Variants in DHRSX observed in about 807,000 individuals in gnomAD.
The protein encoded by DHRSX is dehydrogenase/reductase X-linked, also known as polyprenol dehydrogenase.
In DHRSX, 31 loss-of-function variants were observed where a neutral mutation model predicts 34.0. The ratio of observed to expected loss-of-function variants is 0.91; its 90% CI spans 0.69 to 1.23. DHRSX has a LOEUF of 1.23. Among genes scored for constraint, DHRSX ranks in the 50% most tolerant of loss-of-function variants. The pLI, the probability that DHRSX is intolerant of heterozygous loss-of-function variation, is 0.00. For synonymous variants in DHRSX, 201 were observed against 183.8 expected (o/e 1.09, Z -0.76); for missense variants, 414 against 428.1 (o/e 0.97, Z 0.29).
At chrX:2,385,683 T>C (rs1317239529) in intron 3 of DHRSX, among the ~76,000 whole-genome samples, 1 of 152,242 alleles carries the variant, frequency 6.6e-6, no homozygotes, top group Non-Finnish European at 1.5e-5. Flanking sequence ...AAGCATCCTT[T>C]GGTCTACAGG....
chrX:2,286,248 T>C (rs2041804029), intron 4 of DHRSX, among the ~76,000 whole-genome samples: 1 of 152,144 alleles, frequency 6.6e-6, no homozygotes, highest in Non-Finnish European at 1.5e-5. Context: ...GCTGAATCCA[T>C]TCTCAGTGCT....
intron 5 of DHRSX, among the ~76,000 whole-genome samples, chrX:2,255,094 A>T (rs2041259037): frequency 6.6e-6 from 1 of 151,448 alleles, no homozygotes; most frequent in Non-Finnish European, 1.5e-5. Context: ...CCTCCTGAGT[A>T]GCTGGGACTA....
At chrX:2,471,297 G>A (rs1477104968) in intron 1 of DHRSX, among the ~76,000 whole-genome samples, 4 of 152,154 alleles carry the variant, frequency 2.6e-5, no homozygotes, top group Admixed American at 6.6e-5. Context: ...TGGGCTGGGC[G>A]CGGTCACGCC....
chrX:2,486,121 C>T (rs1448989141), intron 1 of DHRSX, among the ~76,000 whole-genome samples: 2 of 152,012 alleles, frequency 1.3e-5, no homozygotes, highest in African/African-American at 4.8e-5. Context: ...TCCGTTTATA[C>T]AACTATCCAC....
intron 3 of DHRSX, among the ~76,000 whole-genome samples, chrX:2,356,396 G>A (rs2042852597): frequency 6.6e-6 from 1 of 152,106 alleles, no homozygotes; most frequent in African/African-American, 2.4e-5. Flanking sequence ...AAAAATGAAT[G>A]TGGAGAATCA....
chrX:2,472,189 C>G (rs113046529), intron 1 of DHRSX, among the ~76,000 whole-genome samples: 1 of 150,072 alleles, frequency 6.7e-6, no homozygotes, highest in African/African-American at 2.5e-5. Flanking sequence ...GGAACATGCA[C>G]GGAGGTGGAG....
intron 5 of DHRSX, among the ~76,000 whole-genome samples, chrX:2,243,798 T>TGCTTTG (rs1460406117): frequency 1.1e-5 from 1 of 93,822 alleles, no homozygotes; most frequent in Non-Finnish European, 2.0e-5. Flanking sequence ...GTTTTTTTTT[T>TGCTTTG]TTTTTTTTTT....
At chrX:2,313,698 ACT>A (rs1463163347) in intron 3 of DHRSX, among the ~76,000 whole-genome samples, 17 of 152,020 alleles carry the variant, frequency 1.1e-4, no homozygotes, top group African/African-American at 3.9e-4. Flanking sequence ...AAAGAGTCAA[ACT>A]CTGTAAAATA....
At chrX:2,304,073 ATGGATGGG>A (rs1569485823) in intron 3 of DHRSX, among the ~76,000 whole-genome samples, 29 of 127,380 alleles carry the variant, frequency 2.3e-4, no homozygotes, top group Non-Finnish European at 3.9e-4. Flanking sequence ...GGGTGGATGG[ATGGATGGG>A]TGGGTGGGTG....
chrX:2,340,450 G>C (rs1459584977), intron 3 of DHRSX, among the ~76,000 whole-genome samples: 1 of 151,502 alleles, frequency 6.6e-6, no homozygotes, highest in Non-Finnish European at 1.5e-5. Flanking sequence ...GTCTGTCTGT[G>C]TGTGTGTGTG....
intron 1 of DHRSX, chrX:2,490,339 C>T (rs2045101819): frequency 6.2e-6 from 10 of 1,613,206 alleles, no homozygotes; most frequent in South Asian, 4.4e-5. Context: ...GCACGGCGGC[C>T]GTCAGCTCCT....
intron 3 of DHRSX, among the ~76,000 whole-genome samples, chrX:2,330,113 A>C: frequency 9.8e-6 from 1 of 102,084 alleles, no homozygotes; most frequent in African/African-American, 4.1e-5. Context: ...AGAGAGAGAG[A>C]GAGAGAGAGA....
At position 2,454,355 on chromosome X, in the gene DHRSX, T is replaced by C. The variant is rs183580011; in HGVS notation, c.110-29051A>G. Among the ~76,000 whole-genome samples, 1,295 of 151,936 alleles carry C rather than the reference T, an allele frequency of 8.5e-3. 6 individuals carry two copies. The highest frequency in any genetic ancestry group is 0.029 in the African/African-American group (1,208 of 41,438). On this transcript the variant is annotated intron_variant, in intron 1 of 6. Transcript: ENST00000334651. ...CAGCCTGACCAATATGCTGAAACGC[T>C]GTGTCTACTAAAAATACAAAAATTA...
intron 5 of DHRSX, among the ~76,000 whole-genome samples, chrX:2,265,651 A>G (rs183467255): frequency 8.1e-4 from 116 of 142,952 alleles, no homozygotes; most frequent in African/African-American, 2.9e-3. Context: ...CAGCAGACGC[A>G]GGGAGCACTG....
intron 1 of DHRSX, chrX:2,490,103 T>C (rs1569346060): frequency 2.5e-6 from 4 of 1,613,880 alleles, no homozygotes; most frequent in Non-Finnish European, 2.5e-6. Flanking sequence ...GGCGCGGTTC[T>C]GATTCTCACT....
At chrX:2,475,329 G>C (rs1387620900) in intron 1 of DHRSX, among the ~76,000 whole-genome samples, 1 of 151,244 alleles carries the variant, frequency 6.6e-6, no homozygotes, top group Non-Finnish European at 1.5e-5. Context: ...CAATGAAGAC[G>C]TTCCCTAAGC....
At chrX:2,494,178 TG>T (rs1366966295) in intron 1 of DHRSX, among the ~76,000 whole-genome samples, 2 of 152,000 alleles carry the variant, frequency 1.3e-5, no homozygotes, top group African/African-American at 4.8e-5. Flanking sequence ...TCCCAGTGCC[TG>T]GGGCCAAGGT....
intron 3 of DHRSX, among the ~76,000 whole-genome samples, chrX:2,308,700 G>A (rs2042128997): frequency 6.7e-6 from 1 of 148,724 alleles, no homozygotes; most frequent in Admixed American, 6.8e-5. Context: ...TATTTTTCAA[G>A]AATTCCTAGG....
rs907356261 is a variant in DHRSX, at chrX:2,452,371, G to A, written c.110-27067C>T. On this transcript the variant is annotated intron_variant, in intron 1 of 6. Transcript: ENST00000334651. ...TCCCTAGGCATGTGGTCAAGGGACC[G>A]CACTGAAGATGTTCCCTAAGCATGT... Among the ~76,000 whole-genome samples the A allele has an allele frequency of 4.3e-3, 638 of 150,088 alleles. 1 individual carries two copies. The highest frequency in any genetic ancestry group is 0.015 in the African/African-American group (609 of 40,986).
Sources: gnomAD v4.1 joint callset for allele counts (sites outside exome capture counted in the v4.1 genomes callset) on GRCh38, gnomAD v4.1.1 for gene constraint, MANE v1.5 for transcripts, NCBI Gene and HGNC (gene_info 2026-07-23, HGNC 2026-07-21) for gene names.